KSR2: variants seen among roughly 807,000 people sequenced by gnomAD.
KSR2 encodes kinase suppressor of ras 2.
Under a neutral mutation model 107.8 loss-of-function variants are expected in KSR2, and 25 were observed. The ratio of observed to expected loss-of-function variants is 0.23; its 90% CI spans 0.17 to 0.32. The LOEUF (loss-of-function observed/expected upper bound fraction) is 0.32, where lower values mean the gene tolerates loss of function less well. Ranked by LOEUF, KSR2 falls within the 10% of genes least tolerant of loss-of-function variation. The pLI, the probability that KSR2 is intolerant of heterozygous loss-of-function variation, is 1.00. For missense variants in KSR2, 887 were observed against 1,268.9 expected (o/e 0.70, Z 4.57); for synonymous variants, 480 against 507.0 (o/e 0.95, Z 0.71).
intron 1 of KSR2, among the ~76,000 whole-genome samples, chr12:117,877,273 G>A (rs896118758): frequency 2.0e-5 from 3 of 152,050 alleles, no homozygotes; most frequent in Non-Finnish European, 2.9e-5. Flanking sequence ...GGAAGTGGAG[G>A]TTGCAGTGAG....
chr12:117,529,481 G>T (rs1875459618), intron 12 of KSR2, among the ~76,000 whole-genome samples: 1 of 152,142 alleles, frequency 6.6e-6, no homozygotes, highest in African/African-American at 2.4e-5. Context: ...CTCCCAAAGT[G>T]CTGGGATTAC....
intron 1 of KSR2, among the ~76,000 whole-genome samples, chr12:117,940,333 G>T (rs1266341950): frequency 1.3e-5 from 2 of 152,128 alleles, no homozygotes; most frequent in Admixed American, 6.5e-5. Flanking sequence ...TGTTTTGTAG[G>T]TATCTCAGAG....
chr12:117,609,688 T>C (rs1517196), intron 5 of KSR2, among the ~76,000 whole-genome samples: 138,508 of 152,232 alleles, frequency 0.91, 63,270 homozygotes, highest in East Asian at 0.99. Context: ...AGAGGCCATA[T>C]GACAGGGCTC....
At chr12:117,665,396 C>G (rs1417221647) in intron 5 of KSR2, among the ~76,000 whole-genome samples, 1 of 152,174 alleles carries the variant, frequency 6.6e-6, no homozygotes, top group Non-Finnish European at 1.5e-5. Flanking sequence ...TGTTTTTACT[C>G]TGGCCAAAAT....
At chr12:117,797,614 T>A (rs936888348) in intron 3 of KSR2, among the ~76,000 whole-genome samples, 2 of 151,506 alleles carry the variant, frequency 1.3e-5, no homozygotes, top group African/African-American at 4.9e-5. Context: ...TTGTTCACTT[T>A]AAAACGATTA....
chr12:117,749,471 ATACCATAGGAAAAAAATC>A lies in KSR2; in HGVS notation c.986+11522_986+11539del, dbSNP rs552123063. Among the ~76,000 whole-genome samples the A allele has an allele frequency of 1.6e-3, 214 of 137,802 alleles. 1 individual carries two copies. Among genetic ancestry groups the A allele is most frequent in the Admixed American group, 0.014 (192 of 13,278 alleles). The allele number at this position is 137,802 out of a possible 152,430, so 90.4% of individuals were successfully genotyped here. On this transcript the variant is annotated intron_variant, in intron 4 of 19. Transcript: ENST00000339824. ...CACTAGGTAAGTCAAAGAACTCGATATACCATAGGAAAAAAATCTCACCGTCATAATATCATCAGTTTG... is the reference window on the plus strand; with the variant it reads ...CACTAGGTAAGTCAAAGAACTCGATATCACCGTCATAATATCATCAGTTTG...
chr12:117,658,716 T>C (rs1023354882), intron 5 of KSR2, among the ~76,000 whole-genome samples: 11 of 152,068 alleles, frequency 7.2e-5, no homozygotes, highest in Admixed American at 6.5e-4. Context: ...CCCAGCTGGA[T>C]AGATGGGCAA....
At chr12:117,828,696 G>A (rs540397581) in intron 3 of KSR2, among the ~76,000 whole-genome samples, 15 of 152,262 alleles carry the variant, frequency 9.9e-5, no homozygotes, top group African/African-American at 3.6e-4. Context: ...TAATTCGGGG[G>A]CCCCTCAGCC....
At chr12:117,567,226 G>A (rs762700797) in intron 7 of KSR2, among the ~76,000 whole-genome samples, 1 of 152,170 alleles carries the variant, frequency 6.6e-6, no homozygotes, top group African/African-American at 2.4e-5. Context: ...AAGGCTTCCC[G>A]GAGGGAAGTG....
Position 117,582,502 on chromosome 12 carries a change from ACACTGGTTTAGCTTGT to A in KSR2, c.1172-159_1172-144del, listed in dbSNP as rs2136243829. 1.6e-5 allele frequency: 11 copies of A among 671,338 alleles called. No homozygotes were observed. The South Asian group carries it at 1.9e-4, about 12-fold the overall frequency. The allele number at this position is 671,338 out of a possible 1,614,324, so 41.6% of individuals were successfully genotyped here. On this transcript the variant is annotated intron_variant, in intron 5 of 19. Coordinates refer to ENST00000339824, the MANE Select transcript of KSR2 (RefSeq NM_173598.6). The stretch of plus-strand genomic sequence containing the variant: ...ACTTGCTAAACCAAAGCCAAGTGGA[ACACTGGTTTAGCTTGT>A]CACCTCAACTGACGCAAGGGCCCCT...
chr12:117,565,314 A>G (rs561731096), intron 7 of KSR2, among the ~76,000 whole-genome samples: 1 of 152,316 alleles, frequency 6.6e-6, no homozygotes, highest in Non-Finnish European at 1.5e-5. Flanking sequence ...CTAACTTTAC[A>G]ATAATCTGTC....
chr12:117,760,127 C>G (rs903039784), intron 4 of KSR2, among the ~76,000 whole-genome samples: 1 of 152,168 alleles, frequency 6.6e-6, no homozygotes, highest in Admixed American at 6.5e-5. Flanking sequence ...AAGTTTCTTC[C>G]TTTTTAAGCC....
intron 1 of KSR2, among the ~76,000 whole-genome samples, chr12:117,917,591 C>T (rs760505883): frequency 2.0e-5 from 3 of 152,086 alleles, no homozygotes; most frequent in Admixed American, 6.6e-5. Flanking sequence ...AAAAGGAACA[C>T]GTCTCAAGTT....
chr12:117,601,936 T>C (rs192622262), intron 5 of KSR2, among the ~76,000 whole-genome samples: 12 of 152,296 alleles, frequency 7.9e-5, no homozygotes, highest in Admixed American at 5.9e-4. Flanking sequence ...CAGTGCCAGA[T>C]AGTAACTATT....
intron 4 of KSR2, among the ~76,000 whole-genome samples, chr12:117,692,147 C>T (rs913478531): frequency 5.3e-5 from 8 of 151,858 alleles, no homozygotes; most frequent in African/African-American, 1.2e-4. Flanking sequence ...GCGAACGGCA[C>T]GAAGAGACGG....
At chr12:117,675,663 G>C (rs1268754781) in intron 4 of KSR2, among the ~76,000 whole-genome samples, 1 of 152,236 alleles carries the variant, frequency 6.6e-6, no homozygotes, top group African/African-American at 2.4e-5. Context: ...TGGGGTCTGA[G>C]TGAAACAGAG....
chr12:117,652,269 C>T (rs1263306978), intron 5 of KSR2, among the ~76,000 whole-genome samples: 1 of 152,002 alleles, frequency 6.6e-6, no homozygotes, highest in Admixed American at 6.6e-5. Flanking sequence ...ATAACTTACT[C>T]ATGTAACCAA....
chr12:117,628,448 G>A (rs976522941), intron 5 of KSR2, among the ~76,000 whole-genome samples: 1 of 152,114 alleles, frequency 6.6e-6, no homozygotes, highest in Non-Finnish European at 1.5e-5. Context: ...CCTTCTAATA[G>A]TCAGGTCCCT....
intron 16 of KSR2, among the ~76,000 whole-genome samples, chr12:117,481,244 T>C (rs1872157605): frequency 6.6e-6 from 1 of 152,196 alleles, no homozygotes; most frequent in South Asian, 2.1e-4. Context: ...TTCTGGAATC[T>C]ATCTCAAGGT....
Sources: gnomAD v4.1 joint callset for allele counts (sites outside exome capture counted in the v4.1 genomes callset) on GRCh38, gnomAD v4.1.1 for gene constraint, MANE v1.5 for transcripts, NCBI Gene and HGNC (gene_info 2026-07-23, HGNC 2026-07-21) for gene names.